Variants in SLX4IP observed in about 807,000 individuals in gnomAD.
SLX4IP encodes SLX4 interacting protein.
In SLX4IP, 34 loss-of-function variants were observed where a neutral mutation model predicts 32.9. That is an observed-to-expected ratio of 1.03 (90% CI 0.79 to 1.38). The LOEUF is 1.38. Among genes scored for constraint, SLX4IP ranks in the 40% most tolerant of loss-of-function variants. The pLI is 0.00. For synonymous variants in SLX4IP, 172 were observed against 171.7 expected (o/e 1.00, Z -0.01); for missense variants, 444 against 479.0 (o/e 0.93, Z 0.68).
intron 2 of SLX4IP, among the ~76,000 whole-genome samples, chr20:10,528,013 T>C (rs2065953664): frequency 6.6e-6 from 1 of 152,184 alleles, no homozygotes; most frequent in Non-Finnish European, 1.5e-5. Flanking sequence ...TGTCATCCTC[T>C]GTCTTGCGTG....
rs536681678 is a variant in SLX4IP, at chr20:10,614,149, G to A, written c.406-7165G>A. 2.6e-4 allele frequency: 280 copies of A among 1,095,740 alleles called. 2 individuals are homozygous for A. The South Asian group carries it at 2.8e-3, about 11-fold the overall frequency. 67.9% of individuals were successfully genotyped at this position (1,095,740 alleles called of 1,614,324 possible). ...CGGACCTCGCCATCGGAGGCCTCGC[G>A]TTGCACGCCCAGCACCCAGTAAAGC... On this transcript the variant is annotated intron_variant, in intron 6 of 7. Coordinates refer to ENST00000334534, the MANE Select transcript of SLX4IP (RefSeq NM_001009608.3).
chr20:10,533,306 TTTG>T (rs1184887686), intron 2 of SLX4IP, among the ~76,000 whole-genome samples: 3 of 152,072 alleles, frequency 2.0e-5, no homozygotes, highest in East Asian at 1.9e-4. Flanking sequence ...ACATCTCTTT[TTTG>T]TTGTTGTTCT....
chr20:10,512,684 A>AT (rs970826805), intron 2 of SLX4IP, among the ~76,000 whole-genome samples: 2 of 141,360 alleles, frequency 1.4e-5, no homozygotes, highest in African/African-American at 5.2e-5. Flanking sequence ...GTGTATATAT[A>AT]TTTTATATAT....
chr20:10,483,346 G>A (rs1339159708), intron 2 of SLX4IP, among the ~76,000 whole-genome samples: 11 of 152,124 alleles, frequency 7.2e-5, no homozygotes, highest in Middle Eastern at 6.8e-3. Flanking sequence ...GGTTTTGAAC[G>A]CCTGGCCTCA....
chr20:10,620,699 A>G (rs2067099414), intron 6 of SLX4IP, among the ~76,000 whole-genome samples: 1 of 152,112 alleles, frequency 6.6e-6, no homozygotes, highest in African/African-American at 2.4e-5. Context: ...GACTACAGGC[A>G]TCTGCCACCA....
chr20:10,554,680 G>T (rs2122495097), intron 2 of SLX4IP, among the ~76,000 whole-genome samples: 1 of 152,028 alleles, frequency 6.6e-6, no homozygotes, highest in East Asian at 1.9e-4. Context: ...ATTTTAATTT[G>T]CCTGATGACT....
chr20:10,587,251 TA>T (rs2066656622), intron 4 of SLX4IP, among the ~76,000 whole-genome samples: 1 of 152,170 alleles, frequency 6.6e-6, no homozygotes, highest in East Asian at 1.9e-4. Flanking sequence ...ATTAATAAAT[TA>T]AAAAGAGCAA....
intron 2 of SLX4IP, among the ~76,000 whole-genome samples, chr20:10,531,229 G>C (rs1046851560): frequency 1.3e-5 from 2 of 152,174 alleles, no homozygotes; most frequent in Non-Finnish European, 2.9e-5. Flanking sequence ...CCTACCTGCC[G>C]TGACTTGACA....
intron 1 of SLX4IP, among the ~76,000 whole-genome samples, chr20:10,445,311 CTTTTTTTTTTTTT>C: frequency 1.1e-5 from 1 of 90,186 alleles, no homozygotes; most frequent in East Asian, 2.7e-4. Context: ...TTTTTTCTTT[CTTTTTTTTTTTTT>C]TTTTTTTTGA....
At chr20:10,490,592 G>A (rs531260518) in intron 2 of SLX4IP, among the ~76,000 whole-genome samples, 1 of 152,194 alleles carries the variant, frequency 6.6e-6, no homozygotes, top group Non-Finnish European at 1.5e-5. Context: ...GTAACCTATT[G>A]TTTTGGCATT....
chr20:10,494,857 T>G (rs1335831771), intron 2 of SLX4IP, among the ~76,000 whole-genome samples: 1 of 152,110 alleles, frequency 6.6e-6, no homozygotes, highest in African/African-American at 2.4e-5. Flanking sequence ...TGTGGAGTGA[T>G]GGAGAGATGG....
chr20:10,524,054 CG>C (rs1465603142), intron 2 of SLX4IP, among the ~76,000 whole-genome samples: 2 of 152,192 alleles, frequency 1.3e-5, no homozygotes, highest in Non-Finnish European at 2.9e-5. Context: ...GGGGGACCAG[CG>C]GGCTCATGAC....
intron 1 of SLX4IP, among the ~76,000 whole-genome samples, chr20:10,444,534 T>C (rs969909863): frequency 6.6e-6 from 1 of 152,040 alleles, no homozygotes; most frequent in Non-Finnish European, 1.5e-5. Flanking sequence ...TGTGCCACCA[T>C]GCTCAGCTAA....
At chr20:10,528,120 A>G (rs2122459673) in intron 2 of SLX4IP, among the ~76,000 whole-genome samples, 1 of 152,274 alleles carries the variant, frequency 6.6e-6, no homozygotes, top group Non-Finnish European at 1.5e-5. Flanking sequence ...GTCAGGTAAG[A>G]GTAGTTTGTT....
chr20:10,614,239 C>T (rs2067001295), intron 6 of SLX4IP: 2 of 622,582 alleles, frequency 3.2e-6, no homozygotes, highest in East Asian at 2.7e-5. Context: ...ATGTACATAA[C>T]CATGAGAAAA....
intron 4 of SLX4IP, among the ~76,000 whole-genome samples, chr20:10,592,346 ACC>A (rs35251948): frequency 3.5e-4 from 50 of 144,458 alleles, no homozygotes; most frequent in African/African-American, 1.3e-3. Flanking sequence ...CCTTTCTCCA[ACC>A]CCCCCCCATC....
intron 2 of SLX4IP, among the ~76,000 whole-genome samples, chr20:10,500,289 G>A (rs2065706411): frequency 6.6e-6 from 1 of 151,612 alleles, no homozygotes; most frequent in South Asian, 2.1e-4. Context: ...CACCACACCC[G>A]GCTAATTTTT....
chr20:10,464,327 C>G (rs912042705), intron 2 of SLX4IP, among the ~76,000 whole-genome samples: 2 of 151,986 alleles, frequency 1.3e-5, no homozygotes, highest in African/African-American at 4.8e-5. Context: ...CAGCTTGAGA[C>G]CTCACTTTGA....
chr20:10,599,612 G>T (rs1376095007), intron 5 of SLX4IP, among the ~76,000 whole-genome samples: 2 of 151,392 alleles, frequency 1.3e-5, no homozygotes, highest in Admixed American at 1.3e-4. Flanking sequence ...GTTGCAGCTG[G>T]TCTCAAACTC....
Sources: gnomAD v4.1 joint callset for allele counts (sites outside exome capture counted in the v4.1 genomes callset) on GRCh38, gnomAD v4.1.1 for gene constraint, MANE v1.5 for transcripts, NCBI Gene and HGNC (gene_info 2026-07-23, HGNC 2026-07-21) for gene names.